RGS22: variants seen among roughly 807,000 people sequenced by gnomAD.
RGS22 encodes the protein regulator of G protein signaling 22.
Under a neutral mutation model 172.9 loss-of-function variants are expected in RGS22, and 148 were observed. The observed-to-expected ratio is 0.86, with a 90% CI of 0.75 to 0.98. The LOEUF (loss-of-function observed/expected upper bound fraction) is 0.98. RGS22 is among the 50% of genes least tolerant of loss of function. The pLI is 0.00. For missense variants in RGS22, 1,347 were observed against 1,440.8 expected, an observed-to-expected ratio of 0.93 and a Z score of 1.05; for synonymous variants, 458 against 480.2, an observed-to-expected ratio of 0.95 and a Z score of 0.60.
chr8:99,999,210 G>T, intron 19 of RGS22, 52 bp downstream of exon 19: 4 of 1,482,664 alleles, frequency 2.7e-6, no homozygotes, highest in Non-Finnish European at 2.7e-6. Context: ...TACATTTGAA[G>T]TTTTCAGAGG....
At chr8:100,099,930 C>T (rs1177185861) in intron 2 of RGS22, among the ~76,000 whole-genome samples, 1 of 152,184 alleles carries the variant, frequency 6.6e-6, no homozygotes, top group East Asian at 1.9e-4. Context: ...CCCCAGTAGG[C>T]TCTCACTGTT....
Position 99,965,341 on chromosome 8 carries a change from G to C in RGS22, c.3609C>G (p.Gly1203=). Residue 1203 remains glycine, a synonymous_variant, in exon 24 of 28, where the codon GGC becomes GGG. Coordinates refer to ENST00000360863, the MANE Select transcript of RGS22 (RefSeq NM_015668.5). ...SDSFLGLQPY[G]RQPTWCYSKY... ...CACCATCTTGCATGCTTACCTGTCG[G>C]CCATATGGTTGGAGGCCTAGGAAGG... 2 of 1,611,518 alleles carry C rather than the reference G, an allele frequency of 1.2e-6. No homozygotes were observed. Among genetic ancestry groups the C allele is most frequent in the Non-Finnish European group, 1.7e-6 (2 of 1,177,860 alleles).
At chr8:100,034,286 T>G (rs976397461) in intron 14 of RGS22, among the ~76,000 whole-genome samples, 2 of 152,124 alleles carry the variant, frequency 1.3e-5, no homozygotes, top group African/African-American at 4.8e-5. Flanking sequence ...ACAAAATCAA[T>G]GTGCAAAAAT....
At chr8:100,002,151 A>T in intron 18 of RGS22, 51 bp downstream of exon 18, 1 of 1,404,400 alleles carries the variant, frequency 7.1e-7, no homozygotes, top group Non-Finnish European at 9.6e-7. Flanking sequence ...AATAGAAATA[A>T]AATACCGGTT....
At position 100,010,864 on chromosome 8, in the gene RGS22, G is replaced by A. The variant is rs573474066; in HGVS notation, c.2167-2295C>T. ...TTGCTATGTTGCTCAGGCTAATCTC[G>A]AACTCCTGGGCTCAAGCAATCTGCC... On this transcript the variant is annotated intron_variant, in intron 14 of 27. Transcript: ENST00000360863. Among the ~76,000 whole-genome samples, 42 of 148,784 alleles carry A rather than the reference G, an allele frequency of 2.8e-4. 1 individual carries two copies. The South Asian group carries it at 8.7e-3, about 31-fold the overall frequency.
intron 14 of RGS22, among the ~76,000 whole-genome samples, chr8:100,012,859 T>C (rs1378717175): frequency 6.6e-6 from 1 of 152,168 alleles, no homozygotes; most frequent in Non-Finnish European, 1.5e-5. Context: ...CTTTTTTCTT[T>C]TGCAATTCAA....
intron 14 of RGS22, among the ~76,000 whole-genome samples, chr8:100,029,038 G>C (rs147588116): frequency 5.9e-4 from 90 of 152,284 alleles, no homozygotes; most frequent in African/African-American, 1.9e-3. Flanking sequence ...TATGGAGACA[G>C]CCATATGACA....
chr8:100,072,855 G>A (rs1369288357), intron 4 of RGS22, among the ~76,000 whole-genome samples: 2 of 152,190 alleles, frequency 1.3e-5, no homozygotes, highest in African/African-American at 2.4e-5. Context: ...TAGCTAGGTT[G>A]AGCAGGGAAG....
intron 3 of RGS22, among the ~76,000 whole-genome samples, chr8:100,086,971 T>C (rs1053226623): frequency 1.3e-5 from 2 of 152,126 alleles, no homozygotes; most frequent in African/African-American, 4.8e-5. Context: ...GGTATTCATA[T>C]ATGAGGTGGT....
chr8:100,028,676 A>G (rs1284221597), intron 14 of RGS22, among the ~76,000 whole-genome samples: 1 of 152,212 alleles, frequency 6.6e-6, no homozygotes, highest in Non-Finnish European at 1.5e-5. Context: ...TAAAAAGCTC[A>G]TAATTCAAAA....
intron 8 of RGS22, among the ~76,000 whole-genome samples, chr8:100,063,074 T>C (rs1810272725): frequency 6.6e-6 from 1 of 152,192 alleles, no homozygotes; most frequent in Admixed American, 6.5e-5. Context: ...AGTGTGGTTA[T>C]ATAACTGATA....
intron 9 of RGS22, among the ~76,000 whole-genome samples, chr8:100,054,807 A>G (rs991789172): frequency 6.6e-6 from 1 of 152,156 alleles, no homozygotes; most frequent in Admixed American, 6.5e-5. Context: ...TTGCATGTCA[A>G]CCAGTAAGGG....
chr8:100,066,877 CCTG>C (rs1810570020), intron 6 of RGS22, among the ~76,000 whole-genome samples: 1 of 152,104 alleles, frequency 6.6e-6, no homozygotes, highest in Non-Finnish European at 1.5e-5. Flanking sequence ...TCCATCTGCC[CCTG>C]AATGGAGCAT....
intron 13 of RGS22, among the ~76,000 whole-genome samples, chr8:100,039,733 C>A (rs1819910280): frequency 6.6e-6 from 1 of 151,488 alleles, no homozygotes; most frequent in African/African-American, 2.4e-5. Flanking sequence ...TTTTGAAAAA[C>A]CAACTGGAAA....
At chr8:100,057,623 T>TGTCTTGCCTGCTGCCATGTAAGA in intron 9 of RGS22, among the ~76,000 whole-genome samples, 1 of 152,208 alleles carries the variant, frequency 6.6e-6, no homozygotes, top group African/African-American at 2.4e-5. Context: ...CTGCACAAGC[T>TGTCTTGCCTGCTGCCATGTAAGA]GTCTTGCCTG....
At chr8:100,092,285 C>G (rs1273777401) in intron 3 of RGS22, among the ~76,000 whole-genome samples, 1 of 152,036 alleles carries the variant, frequency 6.6e-6, no homozygotes. Flanking sequence ...ACCAGCATTC[C>G]TTATTAACTT....
At chr8:99,987,841 G>A (rs908460768) in intron 20 of RGS22, among the ~76,000 whole-genome samples, 1 of 152,052 alleles carries the variant, frequency 6.6e-6, no homozygotes, top group African/African-American at 2.4e-5. Flanking sequence ...TAGACCGTAT[G>A]ACTACAATGT....
intron 14 of RGS22, among the ~76,000 whole-genome samples, chr8:100,025,696 A>G (rs749723273): frequency 1.3e-5 from 2 of 152,226 alleles, no homozygotes; most frequent in Non-Finnish European, 2.9e-5. Flanking sequence ...CAGTGAGCAA[A>G]GGAAAAATAA....
intron 9 of RGS22, among the ~76,000 whole-genome samples, chr8:100,055,369 T>C (rs1438259801): frequency 2.0e-5 from 3 of 152,214 alleles, no homozygotes; most frequent in African/African-American, 7.2e-5. Context: ...TTCTCCCAGA[T>C]ATTGTCCGAG....
Sources: gnomAD v4.1 joint callset for allele counts (sites outside exome capture counted in the v4.1 genomes callset) on GRCh38, gnomAD v4.1.1 for gene constraint, MANE v1.5 for transcripts, NCBI Gene and HGNC (gene_info 2026-07-23, HGNC 2026-07-21) for gene names.